Variants in SCRT2 observed in about 807,000 individuals in gnomAD.
SCRT2 encodes transcriptional repressor scratch 2.
SCRT2 carries 2 observed loss-of-function variants against 3.7 expected under a neutral mutation model. That is an observed-to-expected ratio of 0.54 (90% CI 0.22 to 1.70). The LOEUF is 1.70. Ranked by LOEUF, SCRT2 falls within the 40% of genes most tolerant of loss-of-function variation. The probability of loss-of-function intolerance (pLI) is 0.19; values close to 1 mark genes in which losing one functional copy is unlikely to be tolerated. For synonymous variants in SCRT2, 256 were observed against 220.6 expected, an observed-to-expected ratio of 1.16 and a Z score of -1.42; for missense variants, 456 against 468.5, an observed-to-expected ratio of 0.97 and a Z score of 0.25.
At position 665,656 on chromosome 20, in the gene SCRT2, T is replaced by C. The variant is rs1290002999; in HGVS notation, c.134-1195A>G. On this transcript the variant is annotated intron_variant, in intron 1 of 1. Transcript: ENST00000246104. This position sits in a 1 kb window ranked among gnomAD's most constrained non-coding sequence, Gnocchi z 5.0. Reference sequence around the variant, plus strand: ...GGTCCTAGCACCTTCCCTGAGACCCTGGGGGCTGGGCTCCCTGGAGAGTTT... The same window carrying C: ...GGTCCTAGCACCTTCCCTGAGACCCCGGGGGCTGGGCTCCCTGGAGAGTTT... Among the ~76,000 whole-genome samples, 1 of 152,182 alleles carries C rather than the reference T, an allele frequency of 6.6e-6. No homozygotes were observed. Among genetic ancestry groups the C allele is most frequent in the African/African-American group, 2.4e-5 (1 of 41,454 alleles).
Position 663,848 on chromosome 20 carries a change from G to A in SCRT2, c.747C>T (p.Phe249=), listed in dbSNP as rs1984049815. The A allele has an allele frequency of 1.3e-6, 2 of 1,597,910 alleles. No individual in the cohort carries two copies. Among genetic ancestry groups the A allele is most frequent in the East Asian group, 2.3e-5 (1 of 44,288 alleles). ...PFGCAHCGKA[F]ADRSNLRAHM... is the part of the protein sequence containing the mutation. The stretch of plus-strand genomic sequence containing the variant: ...GCGCGCGCAGGTTGGAGCGGTCGGC[G>A]AAGGCCTTGCCGCAGTGCGCGCAGC... Residue 249 remains phenylalanine, a synonymous_variant, in exon 2 of 2, where the codon TTC becomes TTT. Coordinates refer to ENST00000246104, the MANE Select transcript of SCRT2 (RefSeq NM_033129.4). The surrounding 1 kb of genome is among the most constrained non-coding windows in gnomAD (Gnocchi z 6.9).
Position 675,716 on chromosome 20 carries a change from G to C in SCRT2, c.-115C>G, listed in dbSNP as rs1301431249. 1 of 719,276 alleles carries C rather than the reference G, an allele frequency of 1.4e-6. No individual in the cohort carries two copies. The allele number at this position is 719,276 out of a possible 1,614,324, so 44.6% of individuals were successfully genotyped here. A position where few individuals can be genotyped will look rare whatever the true frequency, so the allele number is the denominator to read the frequency against. On this transcript the variant is annotated 5_prime_UTR_variant, in exon 1 of 2. Coordinates refer to ENST00000246104, the MANE Select transcript of SCRT2 (RefSeq NM_033129.4). The surrounding 1 kb of genome is among the most constrained non-coding windows in gnomAD (Gnocchi z 6.9). ...CCAGCGGGCTGGAGCGCGGGAGGCCGCTCGGAGCCGGCACCGGTGGCGGCG... is the reference window on the plus strand; with the variant it reads ...CCAGCGGGCTGGAGCGCGGGAGGCCCCTCGGAGCCGGCACCGGTGGCGGCG...
In SCRT2 at chr20:675,756, TC is replaced by T; in HGVS notation, c.-156del. 5 of 334,706 alleles carry T rather than the reference TC, an allele frequency of 1.5e-5. No homozygotes were observed. The highest frequency in any genetic ancestry group is 2.3e-5 in the Non-Finnish European group (5 of 213,876). The allele number at this position is 334,706 out of a possible 1,614,324, so 20.7% of individuals were successfully genotyped here. A position where few individuals can be genotyped will look rare whatever the true frequency, so the allele number is the denominator to read the frequency against. On this transcript the variant is annotated 5_prime_UTR_variant, in exon 1 of 2. Transcript: ENST00000246104. The surrounding 1 kb of genome is among the most constrained non-coding windows in gnomAD (Gnocchi z 6.9). ...CGGTGGCGGCGGCCCCGGCTCGGGCTCGGGCTTGGCGGCGGCGGCGCGCAGA... is the reference window on the plus strand; with the variant it reads ...CGGTGGCGGCGGCCCCGGCTCGGGCTGGGCTTGGCGGCGGCGGCGCGCAGA...
At chr20:669,090 G>T (rs998709764) in intron 1 of SCRT2, among the ~76,000 whole-genome samples, 1 of 149,536 alleles carries the variant, frequency 6.7e-6, no homozygotes, top group Admixed American at 6.7e-5. Context: ...AGGGGAAGGG[G>T]TGGTGCGTTT....
At position 664,849 on chromosome 20, in the gene SCRT2, C is replaced by T. The variant is rs1485072376; in HGVS notation, c.134-388G>A. Among the ~76,000 whole-genome samples, 1 of 152,246 alleles carries T rather than the reference C, an allele frequency of 6.6e-6. No individual in the cohort carries two copies. Among genetic ancestry groups the T allele is most frequent in the Non-Finnish European group, 1.5e-5 (1 of 68,046 alleles). Reference sequence around the variant, plus strand: ...AGTGATGGAGCCCTTGCCAGTGTGACCCTGAAGCCCATGCTGTCTCTATTC... The same window carrying T: ...AGTGATGGAGCCCTTGCCAGTGTGATCCTGAAGCCCATGCTGTCTCTATTC... On this transcript the variant is annotated intron_variant, in intron 1 of 1. Coordinates refer to ENST00000246104, the MANE Select transcript of SCRT2 (RefSeq NM_033129.4). The surrounding 1 kb of genome is among the most constrained non-coding windows in gnomAD (Gnocchi z 7.9).
Position 664,174 on chromosome 20 carries a change from GC to G in SCRT2, c.420del (p.Arg141AlafsTer30). On this transcript the variant is annotated frameshift_variant, in exon 2 of 2. Transcript: ENST00000246104. LOFTEE classifies it low-confidence loss of function (END_TRUNC). The surrounding 1 kb of genome is among the most constrained non-coding windows in gnomAD (Gnocchi z 7.9). ...GGSGDAGGAGGRAGRAGAQAG... is the reference protein window; with the variant it reads ...GGSGDAGGAGXRAGRAGAQAG... ...GCCTGCGCCCCCGCGCGCCCCGCGC[GC>G]CCCCCGGCGCCCCCCGCGTCTCCCG... The G allele has an allele frequency of 2.0e-6, 2 of 1,022,758 alleles. No individual in the cohort carries two copies. Among genetic ancestry groups the G allele is most frequent in the Non-Finnish European group, 2.3e-6 (2 of 855,782 alleles). The allele number at this position is 1,022,758 out of a possible 1,614,324, so 63.4% of individuals were successfully genotyped here.
rs970349253 is a variant in SCRT2, at chr20:665,742, TCCACAGAACAATGA to T, written c.134-1295_134-1282del. On this transcript the variant is annotated intron_variant, in intron 1 of 1. Transcript: ENST00000246104. The surrounding 1 kb of genome is among the most constrained non-coding windows in gnomAD (Gnocchi z 5.0). ...GCAAGTGATTCCATTGTTCTGTGAT[TCCACAGAACAATGA>T]AGGTTAGGTCCGTTTGGGAGGTTTC... Among the ~76,000 whole-genome samples, 6 of 152,154 alleles carry T rather than the reference TCCACAGAACAATGA, an allele frequency of 3.9e-5. No individual in the cohort carries two copies. The highest frequency in any genetic ancestry group is 1.4e-4 in the African/African-American group (6 of 41,436).
Position 675,467 on chromosome 20 carries a change from A to G in SCRT2, c.133+2T>C. 1 of 1,321,608 alleles carries G rather than the reference A, an allele frequency of 7.6e-7. No individual in the cohort carries two copies. The highest frequency in any genetic ancestry group is 9.7e-7 in the Non-Finnish European group (1 of 1,029,616). 81.9% of individuals were successfully genotyped at this position (1,321,608 alleles called of 1,614,324 possible). A position where few individuals can be genotyped will look rare whatever the true frequency, so the allele number is the denominator to read the frequency against. On this transcript the variant is annotated splice_donor_variant, in intron 1 of 1. Transcript: ENST00000246104. LOFTEE classifies it high-confidence loss of function. The surrounding 1 kb of genome is among the most constrained non-coding windows in gnomAD (Gnocchi z 6.9). ...CCCCCGCCCCCGCCGGGTCCCACTC[A>G]CCGTTGTCCCCGGGAGGCCCCCGGG...
chr20:675,443 C>G lies in SCRT2; in HGVS notation c.133+26G>C. ...GCTCCCCTCGCCTCTTCTCCCAACC[C>G]CCCGCCCCCGCCGGGTCCCACTCAC... On this transcript the variant is annotated intron_variant, in intron 1 of 1. Coordinates refer to ENST00000246104, the MANE Select transcript of SCRT2 (RefSeq NM_033129.4). The surrounding 1 kb of genome is among the most constrained non-coding windows in gnomAD (Gnocchi z 6.9). 2.3e-6 allele frequency: 3 copies of G among 1,298,958 alleles called. No individual in the cohort carries two copies. The highest frequency in any genetic ancestry group is 3.0e-6 in the Non-Finnish European group (3 of 1,014,608). The allele number at this position is 1,298,958 out of a possible 1,614,324, so 80.5% of individuals were successfully genotyped here.
chr20:674,688 A>G (rs1022325708), intron 1 of SCRT2, among the ~76,000 whole-genome samples: 3 of 129,344 alleles, frequency 2.3e-5, no homozygotes, highest in Non-Finnish European at 4.8e-5. Context: ...GAAGAGATGG[A>G]GTGTGTGTGT....
intron 1 of SCRT2, among the ~76,000 whole-genome samples, chr20:668,430 A>G (rs1984225560): frequency 6.6e-6 from 1 of 152,230 alleles, no homozygotes; most frequent in African/African-American, 2.4e-5. Context: ...AGGGTGAGAC[A>G]GGACTCTTGT....
chr20:662,020 G>A lies in SCRT2; in HGVS notation c.*1651C>T, dbSNP rs1983966090. ...CCCCCAAGCTGGCTGCAGAGCAATG[G>A]GGCAGAGGCGTGTGCTTAAAGCGGA... On this transcript the variant is annotated 3_prime_UTR_variant, in exon 2 of 2. Transcript: ENST00000246104. 6.5e-6 allele frequency: 1 copy of A among 152,816 alleles called. No individual in the cohort carries two copies. Among genetic ancestry groups the A allele is most frequent in the African/African-American group, 2.4e-5 (1 of 41,470 alleles). 9.5% of individuals were successfully genotyped at this position (152,816 alleles called of 1,614,324 possible). A position where few individuals can be genotyped will look rare whatever the true frequency, so the allele number is the denominator to read the frequency against.
intron 1 of SCRT2, among the ~76,000 whole-genome samples, chr20:670,555 A>G (rs1296895684): frequency 6.6e-6 from 1 of 152,152 alleles, no homozygotes; most frequent in Non-Finnish European, 1.5e-5. Flanking sequence ...GACAGGGTGC[A>G]CCGTTTATGC....
intron 1 of SCRT2, among the ~76,000 whole-genome samples, chr20:669,955 A>G (rs1984278427): frequency 6.6e-6 from 1 of 152,296 alleles, no homozygotes; most frequent in South Asian, 2.1e-4. Flanking sequence ...CTGGCCCAAC[A>G]TGACCAACGC....
At position 672,388 on chromosome 20, in the gene SCRT2, C is replaced by CGTGT. The variant is rs6147265; in HGVS notation, c.133+3077_133+3080dup. On this transcript the variant is annotated intron_variant, in intron 1 of 1. Transcript: ENST00000246104. The stretch of plus-strand genomic sequence containing the variant: ...TAGGAAGGCAAAGAAGAGCATTGCT[C>CGTGT]GTGTGTGTGTGTGTGTGTGTGTGTG... 3.7e-3 allele frequency among the ~76,000 whole-genome samples: 539 copies of CGTGT among 147,282 alleles called. 7 individuals carry two copies. The highest frequency in any genetic ancestry group is 0.01 in the South Asian group (47 of 4,538).
Position 661,872 on chromosome 20 carries a change from A to G in SCRT2, c.*1799T>C, listed in dbSNP as rs1983959771. 1 of 152,698 alleles carries G rather than the reference A, an allele frequency of 6.5e-6. No homozygotes were observed. Among genetic ancestry groups the G allele is most frequent in the Non-Finnish European group, 1.5e-5 (1 of 68,064 alleles). The allele number at this position is 152,698 out of a possible 1,614,324, so 9.5% of individuals were successfully genotyped here. On this transcript the variant is annotated 3_prime_UTR_variant, in exon 2 of 2. Coordinates refer to ENST00000246104, the MANE Select transcript of SCRT2 (RefSeq NM_033129.4). ...CTTCCCGCTGGGCCTGGAGCTGAGC[A>G]AAGGCCCATTCACCCCTCTGGAGCC...
At chr20:670,841 T>G (rs1555778570) in intron 1 of SCRT2, among the ~76,000 whole-genome samples, 2 of 152,124 alleles carry the variant, frequency 1.3e-5, no homozygotes, top group Non-Finnish European at 2.9e-5. Context: ...TTAGAGGAAA[T>G]CAGGGGTTCC....
chr20:674,192 T>A (rs1984435094), intron 1 of SCRT2, among the ~76,000 whole-genome samples: 2 of 151,098 alleles, frequency 1.3e-5, no homozygotes, highest in South Asian at 4.2e-4. Flanking sequence ...TGCCCAGCAC[T>A]CTCTCTCTCT....
rs184375297 is a variant in SCRT2, at chr20:675,231, A to G, written c.133+238T>C. ...CCCTATTTGAGGGCCACAACTTTCA[A>G]AGTCCCGGCTGGCGCGTGGCTGCGG... is the stretch of plus-strand genomic sequence containing the variant. On this transcript the variant is annotated intron_variant, in intron 1 of 1. Transcript: ENST00000246104. The surrounding 1 kb of genome is among the most constrained non-coding windows in gnomAD (Gnocchi z 6.9). Among the ~76,000 whole-genome samples the G allele has an allele frequency of 2.5e-3, 375 of 152,062 alleles. 2 individuals are homozygous for G. The highest frequency in any genetic ancestry group is 8.5e-3 in the African/African-American group (353 of 41,476).
Sources: gnomAD v4.1 joint callset for allele counts (sites outside exome capture counted in the v4.1 genomes callset) on GRCh38, gnomAD v4.1.1 for gene constraint, Gnocchi (gnomAD v3.1) non-coding constraint, MANE v1.5 for transcripts, NCBI Gene and HGNC (gene_info 2026-07-23, HGNC 2026-07-21) for gene names.